VPS37A: variants seen among roughly 807,000 people sequenced by gnomAD.
VPS37A encodes vacuolar protein sorting-associated protein 37A.
Under a neutral mutation model 49.8 loss-of-function variants are expected in VPS37A, and 30 were observed. The observed-to-expected ratio is 0.60, with a 90% confidence interval of 0.45 to 0.82. The LOEUF (loss-of-function observed/expected upper bound fraction) is 0.82, where lower values mean the gene tolerates loss of function less well. Among genes scored for constraint, VPS37A ranks in the 40% least tolerant of loss-of-function variants. The probability of loss-of-function intolerance (pLI) is 0.00; values close to 1 mark genes in which losing one functional copy is unlikely to be tolerated. For missense variants in VPS37A, 593 were observed against 464.4 expected (o/e 1.28, Z -2.55); for synonymous variants, 195 against 160.6 (o/e 1.21, Z -1.62).
At chr8:17,280,752 T>G (rs1814982259) in intron 9 of VPS37A, among the ~76,000 whole-genome samples, 2 of 152,046 alleles carry the variant, frequency 1.3e-5, no homozygotes, top group South Asian at 2.1e-4. Context: ...ACAAAAACTT[T>G]CGACTCACTT....
chr8:17,280,191 A>T, intron 7 of VPS37A, 36 bp downstream of exon 7: 20 of 1,610,812 alleles, frequency 1.2e-5, no homozygotes, highest in Non-Finnish European at 1.7e-5. Flanking sequence ...CATTTCCTGA[A>T]AAAAATCTCA....
intron 10 of VPS37A, among the ~76,000 whole-genome samples, chr8:17,285,586 CACAT>C (rs1386344425): frequency 6.6e-6 from 1 of 152,144 alleles, no homozygotes; most frequent in Non-Finnish European, 1.5e-5. Flanking sequence ...CATACACACA[CACAT>C]ACACACACTC....
chr8:17,291,270 C>A (rs1816123481), intron 11 of VPS37A, among the ~76,000 whole-genome samples: 1 of 152,190 alleles, frequency 6.6e-6, no homozygotes, highest in Non-Finnish European at 1.5e-5. Context: ...ACCTCAGCCT[C>A]CCAAAGTGCT....
At chr8:17,271,902 TGA>T (rs2150384417) in intron 4 of VPS37A, 3 of 447,868 alleles carry the variant, frequency 6.7e-6, no homozygotes, top group South Asian at 4.8e-5. Flanking sequence ...AAGCTAGGAA[TGA>T]GAGATAAATT....
intron 2 of VPS37A, among the ~76,000 whole-genome samples, chr8:17,266,933 C>T (rs761655134): frequency 3.3e-5 from 5 of 151,948 alleles, no homozygotes; most frequent in Non-Finnish European, 5.9e-5. Flanking sequence ...CCACCATGCC[C>T]GGCTAATTTT....
chr8:17,332,618 G>A, the VPS37A span, among the ~76,000 whole-genome samples: 2 of 152,202 alleles, frequency 1.3e-5, no homozygotes, highest in Non-Finnish European at 2.9e-5. Flanking sequence ...TGCCGCTGCT[G>A]CTGCCCAGCA....
At position 17,296,626 on chromosome 8, in the gene VPS37A, T is replaced by C. The variant is rs996744353; in HGVS notation, c.*1640T>C. 1 of 152,282 alleles carries C rather than the reference T, an allele frequency of 6.6e-6. No individual in the cohort carries two copies. The highest frequency in any genetic ancestry group is 2.4e-5 in the African/African-American group (1 of 41,570). The allele number at this position is 152,282 out of a possible 1,614,324, so 9.4% of individuals were successfully genotyped here. A position where few individuals can be genotyped will look rare whatever the true frequency, so the allele number is the denominator to read the frequency against. ...CACAGCCCCTCATTTGATTAATTCA[T>C]TTGATCTATCTATGTTATTAAGTAC... On this transcript the variant is annotated 3_prime_UTR_variant, in exon 12 of 12. Coordinates refer to ENST00000324849, the MANE Select transcript of VPS37A (RefSeq NM_152415.3).
chr8:17,277,816 G>C (rs1047453295), intron 6 of VPS37A, among the ~76,000 whole-genome samples: 3 of 149,326 alleles, frequency 2.0e-5, no homozygotes, highest in African/African-American at 7.4e-5. Context: ...GATCTCTTAA[G>C]TTCCTTTTAA....
the VPS37A span, among the ~76,000 whole-genome samples, chr8:17,330,722 T>C: frequency 0.012 from 1,821 of 152,210 alleles, 39 homozygotes; most frequent in East Asian, 0.076. Context: ...GAAATGAGGG[T>C]CAGCTCCTCC....
chr8:17,305,383 T>C (rs1381414761), downstream of VPS37A, among the ~76,000 whole-genome samples: 4 of 152,228 alleles, frequency 2.6e-5, no homozygotes, highest in South Asian at 4.1e-4. Context: ...CTGGCTTTTA[T>C]ATTTGCTTTC....
chr8:17,333,366 A>G, the VPS37A span, among the ~76,000 whole-genome samples: 7 of 152,260 alleles, frequency 4.6e-5, no homozygotes, highest in South Asian at 2.1e-4. Flanking sequence ...CTAATAAAAT[A>G]TCACTGCTTT....
chr8:17,256,052 T>C (rs988626493), intron 1 of VPS37A, among the ~76,000 whole-genome samples: 2 of 152,130 alleles, frequency 1.3e-5, no homozygotes, highest in East Asian at 3.8e-4. Context: ...ATATACCCAG[T>C]AGCAGAATTG....
At chr8:17,285,443 G>T (rs551891544) in intron 10 of VPS37A, among the ~76,000 whole-genome samples, 8 of 152,180 alleles carry the variant, frequency 5.3e-5, no homozygotes, top group Non-Finnish European at 1.0e-4. Flanking sequence ...TGTATTTAAA[G>T]AAAAATCCAA....
intron 11 of VPS37A, among the ~76,000 whole-genome samples, chr8:17,292,591 C>A (rs2046253398): frequency 2.0e-5 from 3 of 152,124 alleles, no homozygotes; most frequent in African/African-American, 7.2e-5. Context: ...TTTGCAGTGG[C>A]TGGTACCAGT....
rs946295938 is a variant in VPS37A, at chr8:17,247,162, G to A, written c.-83G>A. 38 of 1,541,250 alleles carry A rather than the reference G, an allele frequency of 2.5e-5. No individual in the cohort carries two copies. The highest frequency in any genetic ancestry group is 2.8e-5 in the Non-Finnish European group (32 of 1,143,262). ...CACGGACGTCCCACCCCGCTCCTCT[G>A]TCGCTGGAGAACCGCCGGGCCGAGC... is the stretch of plus-strand genomic sequence containing the variant. On this transcript the variant is annotated 5_prime_UTR_variant, in exon 1 of 12. Transcript: ENST00000324849.
chr8:17,259,118 T>C (rs1162523500), intron 1 of VPS37A, among the ~76,000 whole-genome samples: 1 of 152,066 alleles, frequency 6.6e-6, no homozygotes, highest in Non-Finnish European at 1.5e-5. Flanking sequence ...TTATATTTTT[T>C]CTCCTTTTAG....
Position 17,280,145 on chromosome 8 carries a change from G to C in VPS37A, c.831G>C (p.Glu277Asp). The C allele has an allele frequency of 6.2e-7, 1 of 1,612,140 alleles. No individual in the cohort carries two copies. Among genetic ancestry groups the C allele is most frequent in the Non-Finnish European group, 8.5e-7 (1 of 1,179,114 alleles). ...AAGATGACTTAGTAAAAAGTATTGA[G>C]GAACTAGCAAGTATGTTTTCCCTCT... The part of the protein sequence containing the change: ...TDKDDLVKSI[E>D]ELARKNLLLE... The change falls in exon 7 of 12, where the codon GAG (glutamate) becomes GAC (aspartate). Residue 277 changes from glutamate to aspartate, a missense_variant. Coordinates refer to ENST00000324849, the MANE Select transcript of VPS37A (RefSeq NM_152415.3).
chr8:17,310,805 G>C, the VPS37A span, among the ~76,000 whole-genome samples: 1 of 152,164 alleles, frequency 6.6e-6, no homozygotes, highest in East Asian at 1.9e-4. Flanking sequence ...GTGTAGCACG[G>C]ATTCATGATT....
the VPS37A span, among the ~76,000 whole-genome samples, chr8:17,325,131 C>T: frequency 6.6e-6 from 1 of 151,996 alleles, no homozygotes; most frequent in South Asian, 2.1e-4. Context: ...GAACCGACAG[C>T]CACAGCCTCT....
Sources: gnomAD v4.1 joint callset for allele counts (sites outside exome capture counted in the v4.1 genomes callset) on GRCh38, gnomAD v4.1.1 for gene constraint, MANE v1.5 for transcripts, NCBI Gene and HGNC (gene_info 2026-07-23, HGNC 2026-07-21) for gene names.